SLC35A2: variants seen among roughly 807,000 people sequenced by gnomAD.
SLC35A2 encodes the protein solute carrier family 35 member A2.
Under a neutral mutation model 17.3 loss-of-function variants are expected in SLC35A2, and 1 was observed. That is an observed-to-expected ratio of 0.06 (90% CI 0.02 to 0.27). The LOEUF is 0.27. Ranked by LOEUF, SLC35A2 falls within the 10% of genes least tolerant of loss-of-function variation. SLC35A2 has a pLI of 1.00. For missense variants in SLC35A2, 191 were observed against 339.3 expected (o/e 0.56, Z 3.43); for synonymous variants, 161 against 161.3 (o/e 1.00, Z 0.01).
upstream of SLC35A2, chrX:48,911,694 A>G: frequency 4.3e-6 from 5 of 1,153,546 alleles, no homozygotes; most frequent in Non-Finnish European, 2.3e-6. Context: ...CGCGTTCGTC[A>G]CTTCCGCTGC....
intron 1 of SLC35A2, 192 bp downstream of exon 1, chrX:48,911,354 G>T: frequency 1.8e-6 from 1 of 555,193 alleles, no homozygotes; most frequent in Non-Finnish European, 3.0e-6. Flanking sequence ...CTCTCCATAT[G>T]CGGAAGGATC....
At chrX:48,908,083 C>T (rs1446824499) in intron 2 of SLC35A2, among the ~76,000 whole-genome samples, 1 of 105,199 alleles carries the variant, frequency 9.5e-6, no homozygotes, top group South Asian at 4.4e-4. Context: ...TTGCAAAGCT[C>T]GCCCCACTTT....
chrX:48,910,965 C>A (rs782529253), intron 1 of SLC35A2, among the ~76,000 whole-genome samples: 2 of 110,621 alleles, frequency 1.8e-5, no homozygotes, highest in African/African-American at 6.6e-5. Context: ...TAAGGAAGGA[C>A]CCGGCACTCT....
In SLC35A2 at chrX:48,904,930, C is replaced by T; in HGVS notation, c.979G>A (p.Gly327Ser). 1 of 1,210,979 alleles carries T rather than the reference C, an allele frequency of 8.3e-7. No homozygotes were observed. The highest frequency in any genetic ancestry group is 2.3e-4 in the Middle Eastern group (1 of 4,351). ...ACAGCACCAATGACGAGTCCAGCGC[C>T]AAGGGCAAATAATGGGTCCACGTGG... is the stretch of plus-strand genomic sequence containing the variant. ...GFHVDPLFAL[G>S]AGLVIGAVYL... The change falls in exon 4 of 5, where the codon GGC (glycine) becomes AGC (serine). Residue 327 changes from glycine to serine, a missense_variant. Gly to Ser is a moderately conservative substitution (Grantham distance 56). Coordinates refer to ENST00000247138, the MANE Select transcript of SLC35A2 (RefSeq NM_005660.3).
intron 2 of SLC35A2, 120 bp from the exon 3 acceptor site, chrX:48,906,663 AG>A: frequency 3.2e-6 from 2 of 621,925 alleles, no homozygotes; most frequent in Non-Finnish European, 5.1e-6. Flanking sequence ...CAATCCCTGG[AG>A]GCTGGAATGA....
upstream of SLC35A2, chrX:48,911,652 G>C: frequency 3.5e-6 from 4 of 1,157,109 alleles, no homozygotes; most frequent in Non-Finnish European, 3.5e-6. Flanking sequence ...CATCTGCCCG[G>C]CCCGTCCCCT....
In SLC35A2 at chrX:48,911,537, CTG is replaced by C; in HGVS notation, c.91+7_91+8del. The C allele has an allele frequency of 8.6e-7, 1 of 1,160,638 alleles. No individual in the cohort carries two copies. The highest frequency in any genetic ancestry group is 1.1e-6 in the Non-Finnish European group (1 of 873,479). ...CCTCCCATGCGACTGCTCGGGCAGA[CTG>C]TCTCACCCGCACTGGCGGTCCCCGG... On this transcript the variant is annotated splice_region_variant and intron_variant, in intron 1 of 4. Transcript: ENST00000247138.
At chrX:48,911,714 T>A (rs1160984757), upstream of SLC35A2, 8 of 1,152,199 alleles carry the variant, frequency 6.9e-6, no homozygotes, top group African/African-American at 8.9e-5. Context: ...CCGGGCCACC[T>A]GAGTGAAGGT....
In SLC35A2 at chrX:48,911,577, C is replaced by A. The variant is rs2063535279; in HGVS notation, c.60G>T (p.Ala20=). Residue 20 remains alanine, a synonymous_variant, in exon 1 of 5, where the codon GCG becomes GCT. Coordinates refer to ENST00000247138, the MANE Select transcript of SLC35A2 (RefSeq NM_005660.3). ...TGGCGGTCCCCGGCTCCAATGCACCCGCGGAAACCGCCCCTGGCCCGGGCG... is the reference window on the plus strand; with the variant it reads ...TGGCGGTCCCCGGCTCCAATGCACCAGCGGAAACCGCCCCTGGCCCGGGCG... ...TAAPGPGAVS[A]GALEPGTASA... 8.6e-7 allele frequency: 1 copy of A among 1,165,242 alleles called. No individual in the cohort carries two copies. Among genetic ancestry groups the A allele is most frequent in the Non-Finnish European group, 1.1e-6 (1 of 875,284 alleles).
chrX:48,911,411 A>G (rs1446568968), intron 1 of SLC35A2, 135 bp downstream of exon 1: 1 of 817,108 alleles, frequency 1.2e-6, no homozygotes, highest in East Asian at 3.4e-5. Context: ...CAACACACTG[A>G]CAATGTGCAC....
chrX:48,910,311 A>G, intron 1 of SLC35A2: 1 of 1,129,827 alleles, frequency 8.9e-7, no homozygotes, highest in African/African-American at 1.8e-5. Context: ...CCAAGTGAGA[A>G]GCAACTCTTC....
At chrX:48,911,443 G>T in intron 1 of SLC35A2, 103 bp downstream of exon 1, 3 of 979,061 alleles carry the variant, frequency 3.1e-6, no homozygotes, top group Non-Finnish European at 2.8e-6. Context: ...CACACACGTC[G>T]GTCCACACGG....
At chrX:48,903,955 C>T (rs1471796627) in intron 4 of SLC35A2, 1 of 759,229 alleles carries the variant, frequency 1.3e-6, no homozygotes, top group Non-Finnish European at 1.6e-6. Flanking sequence ...AAAAATAAGC[C>T]TACATCTGGC....
chrX:48,904,635 A>G, intron 4 of SLC35A2, 111 bp downstream of exon 4: 1 of 1,207,318 alleles, frequency 8.3e-7, no homozygotes, highest in Non-Finnish European at 1.1e-6. Flanking sequence ...CAGAGGAGCC[A>G]GGCCCCGGAG....
chrX:48,906,508 C>T lies in SLC35A2; in HGVS notation c.310G>A (p.Ala104Thr). The change falls in exon 3 of 5, where the codon GCT (alanine) becomes ACT (threonine). Residue 104 changes from alanine to threonine, a missense_variant. Transcript: ENST00000247138. The part of the protein sequence containing the change: ...VKHLVLFLHE[A>T]VLVQYVDTLK... Reference sequence around the variant, plus strand: ...GTGTCCACATACTGCACCAGGACAGCCTCATGGAGGAAGAGAACCAGGTGC... The same window carrying T: ...GTGTCCACATACTGCACCAGGACAGTCTCATGGAGGAAGAGAACCAGGTGC... 8.3e-7 allele frequency: 1 copy of T among 1,211,183 alleles called. No individual in the cohort carries two copies. The highest frequency in any genetic ancestry group is 1.1e-6 in the Non-Finnish European group (1 of 894,910).
chrX:48,906,998 A>C (rs1367370680), intron 2 of SLC35A2, among the ~76,000 whole-genome samples: 1 of 109,996 alleles, frequency 9.1e-6, no homozygotes, highest in Non-Finnish European at 1.9e-5. Flanking sequence ...CTGAAACCCT[A>C]TCTCTACTAA....
Position 48,905,261 on chromosome X carries a change from T to C in SLC35A2, c.648A>G (p.Ala216=). Residue 216 remains alanine, a synonymous_variant, in exon 4 of 5, where the codon GCA becomes GCG. Coordinates refer to ENST00000247138, the MANE Select transcript of SLC35A2 (RefSeq NM_005660.3). ...VVASCLSSGF[A]GVYFEKILKG... ...TGAGGATCTTCTCAAAGTAGACACC[T>C]GCGAAGCCGGAGGAGAGACAGGAGG... 1.7e-6 allele frequency: 2 copies of C among 1,200,696 alleles called. No homozygotes were observed. Among genetic ancestry groups the C allele is most frequent in the Non-Finnish European group, 2.2e-6 (2 of 890,018 alleles).
Position 48,911,584 on chromosome X carries a change from A to G in SLC35A2, c.53T>C (p.Val18Ala). Residue 18 changes from valine (V) to alanine (A), a missense_variant, in exon 1 of 5, where the codon GTT becomes GCT. Physicochemically the swap from Val to Ala is moderately conservative, Grantham distance 64. Around this residue, in one of 2 missense-constraint regions of SLC35A2, gnomAD observed 27 missense variants for 24.0 expected, o/e 1.12. Transcript: ENST00000247138. ...GSTAAPGPGA[V>A]SAGALEPGTA... ...CCCCGGCTCCAATGCACCCGCGGAA[A>G]CCGCCCCTGGCCCGGGCGCCGCGGT... 3 of 1,165,002 alleles carry G rather than the reference A, an allele frequency of 2.6e-6. No individual in the cohort carries two copies. The highest frequency in any genetic ancestry group is 3.4e-6 in the Non-Finnish European group (3 of 875,285).
intron 1 of SLC35A2, 71 bp downstream of exon 1, chrX:48,911,475 G>A: frequency 2.7e-6 from 3 of 1,130,239 alleles, no homozygotes; most frequent in Non-Finnish European, 3.5e-6. Flanking sequence ...TCACTTTAGT[G>A]AGGAACATTC....
Sources: allele counts gnomAD v4.1 joint callset (sites outside exome capture counted in the v4.1 genomes callset), GRCh38; gene constraint gnomAD v4.1.1; regional missense constraint gnomAD v4.1.1; transcripts MANE v1.5; gene names NCBI Gene and HGNC (gene_info 2026-07-23, HGNC 2026-07-21).